TUFM: variants seen among roughly 807,000 people sequenced by gnomAD.
The protein encoded by TUFM is elongation factor Tu, mitochondrial.
In TUFM, 23 loss-of-function variants were observed where a neutral mutation model predicts 45.0. That is an observed-to-expected ratio of 0.51 (90% CI 0.37 to 0.72). The LOEUF (loss-of-function observed/expected upper bound fraction) is 0.72. Among genes scored for constraint, TUFM ranks in the 30% least tolerant of loss-of-function variants. TUFM has a pLI of 0.00. For missense variants in TUFM, 490 were observed against 610.7 expected (o/e 0.80, Z 2.08); for synonymous variants, 243 against 252.9 (o/e 0.96, Z 0.37).
chr16:28,843,427 C>T (rs960478325), intron 9 of TUFM, among the ~76,000 whole-genome samples: 17 of 152,302 alleles, frequency 1.1e-4, no homozygotes, highest in Non-Finnish European at 1.8e-4. Context: ...GGTCACAGAA[C>T]TTCTTAAGCC....
chr16:28,845,839 T>C (rs1039702768), intron 2 of TUFM, 73 bp downstream of exon 2: 1 of 1,583,282 alleles, frequency 6.3e-7, no homozygotes, highest in Non-Finnish European at 8.6e-7. Flanking sequence ...GCAGACACTC[T>C]GCTGGCCTTG....
Position 28,846,345 on chromosome 16 carries a change from A to G in TUFM, c.-76T>C. 2 of 1,504,850 alleles carry G rather than the reference A, an allele frequency of 1.3e-6. No homozygotes were observed. Among genetic ancestry groups the G allele is most frequent in the Non-Finnish European group, 1.8e-6 (2 of 1,112,996 alleles). The allele number at this position is 1,504,850 out of a possible 1,614,324, so 93.2% of individuals were successfully genotyped here. On this transcript the variant is annotated 5_prime_UTR_variant, in exon 1 of 10. Transcript: ENST00000313511. Reference sequence around the variant, plus strand: ...AAGAAGAAGGGCGCCTGCGGCTGGAAGGCACTTCCGGCGGAAGTTAGAGCT... The same window carrying G: ...AAGAAGAAGGGCGCCTGCGGCTGGAGGGCACTTCCGGCGGAAGTTAGAGCT...
At chr16:28,845,245 A>T in intron 3 of TUFM, 69 bp downstream of exon 3, 10 of 1,611,562 alleles carry the variant, frequency 6.2e-6, no homozygotes, top group Non-Finnish European at 8.5e-6. Flanking sequence ...TCTCCTCCCC[A>T]CAAGCCTAAC....
rs755911727 is a variant in TUFM at position 28,843,861 on chromosome 16, G to A, written c.1075-6C>T. The A allele has an allele frequency of 3.1e-6, 5 of 1,614,172 alleles. No homozygotes were observed. The highest frequency in any genetic ancestry group is 4.2e-6 in the Non-Finnish European group (5 of 1,180,034). ...TCCTTGCTGAGGATGTAAACCTGGA[G>A]GAGAGCAAGCAATGACGGTGAGCTG... On this transcript the variant is annotated splice_region_variant and splice_polypyrimidine_tract_variant and intron_variant, in intron 8 of 9. Coordinates refer to ENST00000313511, the MANE Select transcript of TUFM (RefSeq NM_003321.5).
At chr16:28,843,887 G>GGCTTGGCTGGAGGCTGGGGAGA (rs1961861799) in intron 8 of TUFM, 32 bp from the exon 9 acceptor site, 20 of 1,614,074 alleles carry the variant, frequency 1.2e-5, no homozygotes, top group Non-Finnish European at 1.7e-5. Flanking sequence ...CGGTGAGCTG[G>GGCTTGGCTGGAGGCTGGGGAGA]GCTTGGCTGG....
intron 1 of TUFM, 23 bp downstream of exon 1, chr16:28,846,195 C>T: frequency 4.4e-6 from 7 of 1,584,988 alleles, no homozygotes; most frequent in Non-Finnish European, 6.0e-6. Flanking sequence ...CCTGGGCCGC[C>T]ATCGCCCTCC....
intron 2 of TUFM, among the ~76,000 whole-genome samples, 187 bp downstream of exon 2, chr16:28,845,725 G>C (rs1803097452): frequency 6.6e-6 from 1 of 152,118 alleles, no homozygotes; most frequent in South Asian, 2.1e-4. Context: ...CAAGCCATTG[G>C]TGGATCACAA....
At chr16:28,846,143 G>A (rs374134810) in intron 1 of TUFM, 37 bp from the exon 2 acceptor site, 1 of 1,610,792 alleles carries the variant, frequency 6.2e-7, no homozygotes, top group Non-Finnish European at 8.5e-7. Flanking sequence ...GCAGGGAAGG[G>A]GTCAGACCGA....
chr16:28,844,993 G>A lies in TUFM; in HGVS notation c.477C>T (p.Gly159=). 6.2e-7 allele frequency: 1 copy of A among 1,614,168 alleles called. No homozygotes were observed. Among genetic ancestry groups the A allele is most frequent in the Non-Finnish European group, 8.5e-7 (1 of 1,180,030 alleles). The change falls in exon 4 of 10, where the codon GGC becomes GGT. Residue 159 remains glycine (G), a synonymous_variant. Coordinates refer to ENST00000313511, the MANE Select transcript of TUFM (RefSeq NM_003321.5). The surrounding 1 kb of genome is among the most constrained non-coding windows in gnomAD (Gnocchi z 5.8). The part of the protein sequence containing the change: ...GCILVVAAND[G]PMPQTREHLL... ...AGTGCTCTCGGGTCTGGGGCATGGGGCCGTCATTGGCTGCTACCACCAGGA... is the reference window on the plus strand; with the variant it reads ...AGTGCTCTCGGGTCTGGGGCATGGGACCGTCATTGGCTGCTACCACCAGGA...
At position 28,844,177 on chromosome 16, in the gene TUFM, G is replaced by C; in HGVS notation, c.922+53C>G. 2.5e-6 allele frequency: 4 copies of C among 1,613,268 alleles called. No homozygotes were observed. The South Asian group carries it at 4.4e-5, about 18-fold the overall frequency. On this transcript the variant is annotated intron_variant, in intron 7 of 9. Transcript: ENST00000313511. The surrounding 1 kb of genome is among the most constrained non-coding windows in gnomAD (Gnocchi z 5.8). ...AGAGGGAAGGCACAAGGGATCTGCC[G>C]GGGTAAGGCCACCCTTCAGCCAGGC...
chr16:28,844,600 C>G lies in TUFM; in HGVS notation c.685-49G>C, dbSNP rs377236349. ...TCTGAAATCCCCATTCTACTTCCCT[C>G]GATTATCAAGAGCCACTTCCCAGAC... On this transcript the variant is annotated intron_variant, in intron 5 of 9. Transcript: ENST00000313511. The surrounding 1 kb of genome is among the most constrained non-coding windows in gnomAD (Gnocchi z 5.8). 5 of 1,613,090 alleles carry G rather than the reference C, an allele frequency of 3.1e-6. No homozygotes were observed. The African/African-American group carries it at 6.7e-5, about 22-fold the overall frequency.
At position 28,844,426 on chromosome 16, in the gene TUFM, G is replaced by T; in HGVS notation, c.810C>A (p.Ser270=). 6.2e-7 allele frequency: 1 copy of T among 1,614,158 alleles called. No homozygotes were observed. Among genetic ancestry groups the T allele is most frequent in the African/African-American group, 1.3e-5 (1 of 75,014 alleles). Residue 270 remains serine, a synonymous_variant, in exon 6 of 10, where the codon TCC becomes TCA. Coordinates refer to ENST00000313511, the MANE Select transcript of TUFM (RefSeq NM_003321.5). This position sits in a 1 kb window ranked among gnomAD's most constrained non-coding sequence, Gnocchi z 5.8. ...AACAGACAGAGTCCTCACCAGGGAC[G>T]GAGTACACCGCCTCCACAGGCAGCA... ...PFLLPVEAVY[S]VPGRGTVVTG...
chr16:28,845,576 C>T (rs1302706247), intron 2 of TUFM, 96 bp from the exon 3 acceptor site: 3 of 1,435,048 alleles, frequency 2.1e-6, no homozygotes, highest in Non-Finnish European at 2.9e-6. Flanking sequence ...AAATACATAA[C>T]CTCCTCCAAT....
intron 1 of TUFM, 36 bp from the exon 2 acceptor site, chr16:28,846,142 G>A (rs1167567920): frequency 1.9e-6 from 3 of 1,610,956 alleles, no homozygotes; most frequent in East Asian, 2.2e-5. Context: ...GGCAGGGAAG[G>A]GGTCAGACCG....
Position 28,842,868 on chromosome 16 carries a change from C to T in TUFM, c.*107G>A. 1 of 1,433,558 alleles carries T rather than the reference C, an allele frequency of 7.0e-7. No homozygotes were observed. Among genetic ancestry groups the T allele is most frequent in the Non-Finnish European group, 9.8e-7 (1 of 1,020,904 alleles). 88.8% of individuals were successfully genotyped at this position (1,433,558 alleles called of 1,614,324 possible). On this transcript the variant is annotated 3_prime_UTR_variant, in exon 10 of 10. Coordinates refer to ENST00000313511, the MANE Select transcript of TUFM (RefSeq NM_003321.5). Reference sequence around the variant, plus strand: ...GCAGGGGAAATGTCCATCTAGCTGCCCTCTGCTGGGTTGCAGCCTATGCCA... The same window carrying T: ...GCAGGGGAAATGTCCATCTAGCTGCTCTCTGCTGGGTTGCAGCCTATGCCA...
At position 28,845,490 on chromosome 16, in the gene TUFM, G is replaced by A. The variant is rs1238266525; in HGVS notation, c.248-10C>T. On this transcript the variant is annotated splice_polypyrimidine_tract_variant and intron_variant, in intron 2 of 9. Transcript: ENST00000313511. ...CCTCCCTCAGCTAGAACTAAAGGAG[G>A]AAAAGAACACACCTCTCAGCTAAAG... The A allele has an allele frequency of 1.9e-6, 3 of 1,614,112 alleles. No homozygotes were observed. Among genetic ancestry groups the A allele is most frequent in the African/African-American group, 1.3e-5 (1 of 75,024 alleles).
At position 28,845,990 on chromosome 16, in the gene TUFM, C is replaced by G; in HGVS notation, c.169G>C (p.Asp57His). 6.2e-7 allele frequency: 1 copy of G among 1,613,934 alleles called. No homozygotes were observed. The highest frequency in any genetic ancestry group is 1.1e-5 in the South Asian group (1 of 91,064). Residue 57 changes from aspartate (D) to histidine (H), a missense_variant, in exon 2 of 10, where the codon GAC becomes CAC. Coordinates refer to ENST00000313511, the MANE Select transcript of TUFM (RefSeq NM_003321.5). ...AVEAKKTYVR[D>H]KPHVNVGTIG... ...GTACCCACATTCACATGTGGCTTGT[C>G]GCGCACGTAAGTCTTCTTGGCCTCC...
At position 28,844,085 on chromosome 16, in the gene TUFM, G is replaced by T. The variant is rs745581056; in HGVS notation, c.939C>A (p.His313Gln). The T allele has an allele frequency of 6.2e-7, 1 of 1,614,064 alleles. No homozygotes were observed. Among genetic ancestry groups the T allele is most frequent in the Non-Finnish European group, 8.5e-7 (1 of 1,180,050 alleles). ...RTVVTGIEMF[H>Q]KSLERAEAGD... The stretch of plus-strand genomic sequence containing the variant: ...CGGCCTCGGCCCTCTCCAGGCTCTT[G>T]TGGAACATCTCAATGCCTAGGACGG... The change falls in exon 8 of 10, where the codon CAC becomes CAA. Residue 313 changes from histidine to glutamine, a missense_variant. Physicochemically the swap from His to Gln is conservative, Grantham distance 24 (BLOSUM62 0). Coordinates refer to ENST00000313511, the MANE Select transcript of TUFM (RefSeq NM_003321.5). The surrounding 1 kb of genome is among the most constrained non-coding windows in gnomAD (Gnocchi z 5.8).
Position 28,842,755 on chromosome 16 carries a change from T to C in TUFM, c.*220A>G. On this transcript the variant is annotated 3_prime_UTR_variant, in exon 10 of 10. Coordinates refer to ENST00000313511, the MANE Select transcript of TUFM (RefSeq NM_003321.5). ...ACCCTTTTTGTCCTCCCCTATCCTCTCCAATTTGCACAAAGGACACAGGAC... is the reference window on the plus strand; with the variant it reads ...ACCCTTTTTGTCCTCCCCTATCCTCCCCAATTTGCACAAAGGACACAGGAC... 1.6e-6 allele frequency: 1 copy of C among 628,836 alleles called. No homozygotes were observed. The highest frequency in any genetic ancestry group is 2.8e-6 in the Non-Finnish European group (1 of 350,912). 39.0% of individuals were successfully genotyped at this position (628,836 alleles called of 1,614,324 possible). A position where few individuals can be genotyped will look rare whatever the true frequency, so the allele number is the denominator to read the frequency against.
Sources: gnomAD v4.1 joint callset for allele counts (sites outside exome capture counted in the v4.1 genomes callset) on GRCh38, gnomAD v4.1.1 for gene constraint, Gnocchi (gnomAD v3.1) non-coding constraint, MANE v1.5 for transcripts, NCBI Gene and HGNC (gene_info 2026-07-23, HGNC 2026-07-21) for gene names.